Variants in PKP1 observed in about 807,000 individuals in gnomAD.
PKP1 encodes plakophilin-1.
A neutral mutation model predicts 76.4 loss-of-function variants in PKP1; 27 were observed. That is an observed-to-expected ratio of 0.35 (90% CI 0.26 to 0.49). The LOEUF (loss-of-function observed/expected upper bound fraction) is 0.49. PKP1 is among the 20% of genes least tolerant of loss of function. The pLI, the probability that PKP1 is intolerant of heterozygous loss-of-function variation, is 0.99. For synonymous variants in PKP1, 404 were observed against 384.2 expected (o/e 1.05, Z -0.60); for missense variants, 964 against 955.2 (o/e 1.01, Z -0.12).
chr1:201,311,014 T>G (rs1271444298), intron 2 of PKP1, among the ~76,000 whole-genome samples: 5 of 152,226 alleles, frequency 3.3e-5, no homozygotes, highest in Admixed American at 3.3e-4. Context: ...TTGCTGGTTT[T>G]GGGCCAGGAT....
At chr1:201,314,933 A>C (rs920309866) in intron 3 of PKP1, among the ~76,000 whole-genome samples, 1 of 152,222 alleles carries the variant, frequency 6.6e-6, no homozygotes, top group African/African-American at 2.4e-5. Flanking sequence ...TCCTGAGGAG[A>C]AAACAAGGCA....
At chr1:201,297,378 G>C (rs941517505) in intron 2 of PKP1, among the ~76,000 whole-genome samples, 2 of 152,156 alleles carry the variant, frequency 1.3e-5, no homozygotes, top group African/African-American at 4.8e-5. Flanking sequence ...GGAAGCAGCT[G>C]GTGAGATGGA....
chr1:201,325,887 G>A (rs930607475), intron 12 of PKP1, 49 bp downstream of exon 12: 2 of 1,427,524 alleles, frequency 1.4e-6, no homozygotes, highest in Non-Finnish European at 2.0e-6. Context: ...CTGCTCATGA[G>A]CAGAGGGCCT....
At position 201,317,665 on chromosome 1, in the gene PKP1, C is replaced by G. The variant is rs1656801327; in HGVS notation, c.940C>G (p.Leu314Val). ...GGCCGCGGCAGGGGCCCTGCGCAAC[C>G]TGGTGTTCAGGAGCACCACCAACAA... The part of the protein sequence containing the change: ...QQAAAGALRN[L>V]VFRSTTNKLE... Residue 314 changes from leucine to valine, a missense_variant, in exon 5 of 14, where the codon CTG becomes GTG. By Grantham distance (32) the Leu-to-Val change is conservative. Coordinates refer to ENST00000367324, the MANE Select transcript of PKP1 (RefSeq NM_001005337.3). 6.2e-7 allele frequency: 1 copy of G among 1,613,980 alleles called. No homozygotes were observed. The highest frequency in any genetic ancestry group is 8.5e-7 in the Non-Finnish European group (1 of 1,179,928).
At chr1:201,322,236 C>A in intron 8 of PKP1, 103 bp downstream of exon 8, 1 of 1,330,152 alleles carries the variant, frequency 7.5e-7, no homozygotes. Flanking sequence ...AGCCTGAAGC[C>A]AGCCCTAAGG....
intron 3 of PKP1, chr1:201,316,141 T>TGGACGGACGGATGGACGGAC (rs1656735500): frequency 1.5e-5 from 1 of 68,724 alleles, no homozygotes; most frequent in African/African-American, 3.8e-5. Context: ...GACGGACGGA[T>TGGACGGACGGATGGACGGAC]GGACGGACGG....
intron 2 of PKP1, among the ~76,000 whole-genome samples, chr1:201,294,850 G>A (rs7540199): frequency 0.038 from 5,818 of 152,246 alleles, 354 homozygotes; most frequent in African/African-American, 0.13. Flanking sequence ...GACAAGCACT[G>A]CAGTAGATGC....
intron 2 of PKP1, among the ~76,000 whole-genome samples, chr1:201,308,421 CT>C (rs1037662670): frequency 1.3e-5 from 2 of 152,202 alleles, no homozygotes; most frequent in Admixed American, 6.5e-5. Context: ...CCCTGGAGAG[CT>C]CAGGGAAATG....
rs1657229959 is a variant in PKP1, at chr1:201,328,884, C to CAGGGATT, written c.*32+16_*32+17insAGGGATT. 1 of 1,468,626 alleles carries CAGGGATT rather than the reference C, an allele frequency of 6.8e-7. No individual in the cohort carries two copies. Among genetic ancestry groups the CAGGGATT allele is most frequent in the Non-Finnish European group, 9.5e-7 (1 of 1,047,164 alleles). 91.0% of individuals were successfully genotyped at this position (1,468,626 alleles called of 1,614,324 possible). A position where few individuals can be genotyped will look rare whatever the true frequency, so the allele number is the denominator to read the frequency against. ...AGGCTTGCAGGTAAGAATCACCCCA[C>CAGGGATT]CCTCAGGGATGCCTCTGGGACCACT... On this transcript the variant is annotated intron_variant, in intron 13 of 13. Coordinates refer to ENST00000367324, the MANE Select transcript of PKP1 (RefSeq NM_001005337.3).
intron 2 of PKP1, among the ~76,000 whole-genome samples, chr1:201,307,789 G>A (rs539232416): frequency 6.6e-6 from 1 of 152,194 alleles, no homozygotes; most frequent in Non-Finnish European, 1.5e-5. Context: ...TCTAATCAAG[G>A]TTCTTTCTCC....
At chr1:201,293,381 AG>A (rs1401457576) in intron 1 of PKP1, among the ~76,000 whole-genome samples, 2 of 152,124 alleles carry the variant, frequency 1.3e-5, no homozygotes, top group Admixed American at 6.6e-5. Flanking sequence ...TGGGCCTTTG[AG>A]GTTGATCGCC....
intron 4 of PKP1, 45 bp downstream of exon 4, chr1:201,316,742 C>T: frequency 6.2e-7 from 1 of 1,607,670 alleles, no homozygotes; most frequent in South Asian, 1.1e-5. Context: ...TGCGGAGGGC[C>T]TGGGTGTGTC....
intron 2 of PKP1, among the ~76,000 whole-genome samples, chr1:201,300,005 A>C (rs1470541400): frequency 6.6e-6 from 1 of 152,216 alleles, no homozygotes; most frequent in East Asian, 1.9e-4. Context: ...TCCTGCTCCA[A>C]GAGGGAGCAA....
chr1:201,302,718 G>A (rs1656269315), intron 2 of PKP1, among the ~76,000 whole-genome samples: 1 of 152,206 alleles, frequency 6.6e-6, no homozygotes, highest in Admixed American at 6.5e-5. Flanking sequence ...AGAGACACAG[G>A]TGGGGAGAAA....
At chr1:201,324,315 A>G (rs987119036) in intron 9 of PKP1, 113 bp from the exon 10 acceptor site, 2 of 1,105,366 alleles carry the variant, frequency 1.8e-6, no homozygotes, top group Admixed American at 3.7e-5. Flanking sequence ...TGCTTCCAAT[A>G]TGAAAGAGAA....
At chr1:201,288,225 A>G (rs1558181755) in intron 1 of PKP1, among the ~76,000 whole-genome samples, 1 of 151,930 alleles carries the variant, frequency 6.6e-6, no homozygotes, top group Admixed American at 6.6e-5. Flanking sequence ...CAATGGGAAC[A>G]CTCTTTGGAA....
At chr1:201,324,175 A>T (rs1657033825) in intron 9 of PKP1, among the ~76,000 whole-genome samples, 1 of 152,144 alleles carries the variant, frequency 6.6e-6, no homozygotes, top group South Asian at 2.1e-4. Flanking sequence ...GGTCACTATG[A>T]GTAGGGGAAA....
At position 201,283,558 on chromosome 1, in the gene PKP1, G is replaced by T; in HGVS notation, c.-145G>T. Reference sequence around the variant, plus strand: ...GAAGCGCCAGGAGCAGCTGCAGGGAGCCCTCACGCGGACCACGCACTCTAT... The same window carrying T: ...GAAGCGCCAGGAGCAGCTGCAGGGATCCCTCACGCGGACCACGCACTCTAT... On this transcript the variant is annotated 5_prime_UTR_variant, in exon 1 of 14. Coordinates refer to ENST00000367324, the MANE Select transcript of PKP1 (RefSeq NM_001005337.3). 1.4e-6 allele frequency: 1 copy of T among 737,352 alleles called. No homozygotes were observed. The highest frequency in any genetic ancestry group is 1.5e-5 in the South Asian group (1 of 65,252). 45.7% of individuals were successfully genotyped at this position (737,352 alleles called of 1,614,324 possible).
intron 10 of PKP1, 26 bp downstream of exon 10, chr1:201,324,607 T>C: frequency 6.2e-7 from 1 of 1,613,272 alleles, no homozygotes; most frequent in Non-Finnish European, 8.5e-7. Flanking sequence ...CTCCTCCCCC[T>C]CTAGCTAAGA....
Sources: gnomAD v4.1 joint callset for allele counts (sites outside exome capture counted in the v4.1 genomes callset) on GRCh38, gnomAD v4.1.1 for gene constraint, MANE v1.5 for transcripts, NCBI Gene and HGNC (gene_info 2026-07-23, HGNC 2026-07-21) for gene names.